DPP10: variants seen among roughly 807,000 people sequenced by gnomAD.
The protein encoded by DPP10 is dipeptidyl peptidase like 10.
Under a neutral mutation model 120.9 loss-of-function variants are expected in DPP10, and 33 were observed. The ratio of observed to expected loss-of-function variants is 0.27; its 90% confidence interval spans 0.21 to 0.37. DPP10 has a LOEUF of 0.37. Ranked by LOEUF, DPP10 falls within the 10% of genes least tolerant of loss-of-function variation. The pLI is 1.00. For synonymous variants in DPP10, 337 were observed against 326.1 expected (o/e 1.03, Z -0.36); for missense variants, 816 against 942.8 (o/e 0.87, Z 1.76).
At chr2:114,860,073 C>A (rs1044380605) in intron 1 of DPP10, among the ~76,000 whole-genome samples, 2 of 152,158 alleles carry the variant, frequency 1.3e-5, no homozygotes, top group Non-Finnish European at 2.9e-5. Context: ...TAGACTAATT[C>A]ATTATAAAGA....
At chr2:115,375,838 C>A (rs930258248) in intron 3 of DPP10, among the ~76,000 whole-genome samples, 1 of 152,162 alleles carries the variant, frequency 6.6e-6, no homozygotes, top group African/African-American at 2.4e-5. Flanking sequence ...TGAGAACTCA[C>A]TATGATGAAA....
At chr2:114,836,566 G>T (rs970502032) in intron 1 of DPP10, among the ~76,000 whole-genome samples, 1 of 152,158 alleles carries the variant, frequency 6.6e-6, no homozygotes, top group African/African-American at 2.4e-5. Context: ...GGAAAATGGA[G>T]GCAGGGCGAG....
intron 5 of DPP10, among the ~76,000 whole-genome samples, chr2:115,617,630 A>T (rs537817741): frequency 1.3e-5 from 2 of 151,964 alleles, no homozygotes. Flanking sequence ...GGACATTAAC[A>T]TACTGTCCTA....
At chr2:114,938,131 A>G (rs1438117904) in intron 1 of DPP10, among the ~76,000 whole-genome samples, 1 of 152,144 alleles carries the variant, frequency 6.6e-6, no homozygotes, top group Non-Finnish European at 1.5e-5. Flanking sequence ...CATCCTAACC[A>G]TTTTATCCAC....
At chr2:114,445,368 T>G (rs780942954) in intron 1 of DPP10, among the ~76,000 whole-genome samples, 20 of 152,160 alleles carry the variant, frequency 1.3e-4, no homozygotes, top group Non-Finnish European at 2.2e-4. Flanking sequence ...CTCAGTGTAA[T>G]AACCTCTAGA....
chr2:115,169,530 CAACTT>C (rs1421768586), intron 1 of DPP10, among the ~76,000 whole-genome samples: 1 of 152,060 alleles, frequency 6.6e-6, no homozygotes, highest in Non-Finnish European at 1.5e-5. Flanking sequence ...GAATTCGTGA[CAACTT>C]GACTGATTTC....
At chr2:115,245,795 TA>T (rs577161672) in intron 1 of DPP10, among the ~76,000 whole-genome samples, 169 of 152,292 alleles carry the variant, frequency 1.1e-3, no homozygotes, top group African/African-American at 4.0e-3. Context: ...TTCTGTCATA[TA>T]AGTCAGCAAT....
chr2:114,926,937 G>C (rs1212022016), intron 1 of DPP10, among the ~76,000 whole-genome samples: 1 of 147,498 alleles, frequency 6.8e-6, no homozygotes, highest in Non-Finnish European at 1.5e-5. Context: ...TGCAAGCTCT[G>C]CCTCCCAGGT....
At chr2:114,496,260 C>T (rs1343195446) in intron 1 of DPP10, among the ~76,000 whole-genome samples, 1 of 152,044 alleles carries the variant, frequency 6.6e-6, no homozygotes, top group Non-Finnish European at 1.5e-5. Context: ...GATGGAGGGG[C>T]TCTGTTTAGC....
chr2:114,809,531 C>G (rs1685009244), intron 1 of DPP10, among the ~76,000 whole-genome samples: 1 of 152,122 alleles, frequency 6.6e-6, no homozygotes, highest in Admixed American at 6.5e-5. Context: ...TAAGTGGAGT[C>G]TTTAAAAAGA....
At chr2:115,697,098 T>G (rs1191534987) in intron 7 of DPP10, among the ~76,000 whole-genome samples, 1 of 151,762 alleles carries the variant, frequency 6.6e-6, no homozygotes, top group African/African-American at 2.4e-5. Flanking sequence ...AGAAAGGAAA[T>G]GAGAATGGAA....
chr2:115,480,026 A>G (rs1002465151), intron 3 of DPP10, among the ~76,000 whole-genome samples: 4 of 152,144 alleles, frequency 2.6e-5, no homozygotes, highest in South Asian at 2.1e-4. Flanking sequence ...CCCTTCAACT[A>G]TAGCCTCTGG....
intron 5 of DPP10, among the ~76,000 whole-genome samples, chr2:115,607,644 T>G (rs1036189537): frequency 1.3e-5 from 2 of 152,210 alleles, no homozygotes; most frequent in African/African-American, 4.8e-5. Context: ...TTTACTTATT[T>G]AATGTGAATC....
intron 1 of DPP10, among the ~76,000 whole-genome samples, chr2:114,993,836 C>T (rs1419068811): frequency 6.6e-6 from 1 of 151,878 alleles, no homozygotes; most frequent in African/African-American, 2.4e-5. Flanking sequence ...TTTTGAGAAG[C>T]AATTGTAATG....
chr2:114,449,476 T>C (rs1252770084), intron 1 of DPP10, among the ~76,000 whole-genome samples: 1 of 152,050 alleles, frequency 6.6e-6, no homozygotes, highest in Non-Finnish European at 1.5e-5. Flanking sequence ...TTTCTTTTTT[T>C]TTTTTTTTAT....
At chr2:114,442,914 C>A in intron 1 of DPP10, 76 bp downstream of exon 1, 1 of 1,563,224 alleles carries the variant, frequency 6.4e-7, no homozygotes, top group Non-Finnish European at 8.8e-7. Flanking sequence ...ATTGATATAT[C>A]GGGGTACTGA....
chr2:115,352,106 T>G (rs1350281556), intron 3 of DPP10, among the ~76,000 whole-genome samples: 1 of 152,034 alleles, frequency 6.6e-6, no homozygotes, highest in Admixed American at 6.6e-5. Flanking sequence ...CAAAAAAGTA[T>G]GTAAGAAAAA....
At chr2:115,194,615 C>G (rs1559219634) in intron 1 of DPP10, among the ~76,000 whole-genome samples, 2 of 152,094 alleles carry the variant, frequency 1.3e-5, no homozygotes, top group Non-Finnish European at 2.9e-5. Context: ...TGGTAATGGC[C>G]AAACGAAGGG....
chr2:115,794,743 G>A (rs540410736), intron 19 of DPP10, among the ~76,000 whole-genome samples: 6 of 152,128 alleles, frequency 3.9e-5, no homozygotes, highest in African/African-American at 9.6e-5. Flanking sequence ...TAACATTATA[G>A]GGAGCCCTTA....
Sources: allele counts gnomAD v4.1 joint callset (sites outside exome capture counted in the v4.1 genomes callset), GRCh38; gene constraint gnomAD v4.1.1; transcripts MANE v1.5; gene names NCBI Gene and HGNC (gene_info 2026-07-23, HGNC 2026-07-21).